MAGI2: variants seen among roughly 807,000 people sequenced by gnomAD.
MAGI2 encodes the protein membrane-associated guanylate kinase, WW and PDZ domain-containing protein 2.
MAGI2 carries 35 observed loss-of-function variants against 133.3 expected under a neutral mutation model. The observed-to-expected ratio is 0.26, with a 90% CI of 0.20 to 0.35. The LOEUF (loss-of-function observed/expected upper bound fraction) is 0.35. MAGI2 is among the 10% of genes least tolerant of loss of function. The pLI, the probability that MAGI2 is intolerant of heterozygous loss-of-function variation, is 1.00. For missense variants in MAGI2, 1,636 were observed against 1,863.4 expected, an observed-to-expected ratio of 0.88 and a Z score of 2.25; for synonymous variants, 729 against 710.6, an observed-to-expected ratio of 1.03 and a Z score of -0.41.
At chr7:78,615,748 G>C (rs535180087) in intron 3 of MAGI2, 5 of 152,076 alleles carry the variant, frequency 3.3e-5, no homozygotes, top group Admixed American at 6.6e-5. Context: ...ACGTCATTTT[G>C]GGCCTATTGT....
At chr7:78,125,561 T>C in intron 20 of MAGI2, 133 bp downstream of exon 20, 1 of 774,380 alleles carries the variant, frequency 1.3e-6, no homozygotes, top group East Asian at 2.6e-5. Context: ...TTTAAGAAAC[T>C]GGGTCATCAT....
At chr7:78,074,573 G>A (rs1174291819) in intron 21 of MAGI2, among the ~76,000 whole-genome samples, 1 of 152,038 alleles carries the variant, frequency 6.6e-6, no homozygotes, top group African/African-American at 2.4e-5. Context: ...TATATCTACT[G>A]GTTAAACTCA....
intron 6 of MAGI2, among the ~76,000 whole-genome samples, chr7:78,443,391 A>C (rs1787811064): frequency 6.6e-6 from 1 of 152,132 alleles, no homozygotes; most frequent in African/African-American, 2.4e-5. Context: ...TCTGAGTTAG[A>C]CACACTTGGT....
intron 3 of MAGI2, among the ~76,000 whole-genome samples, chr7:78,545,528 T>C (rs1274457881): frequency 6.6e-6 from 1 of 152,156 alleles, no homozygotes; most frequent in Non-Finnish European, 1.5e-5. Flanking sequence ...AAACTGATGC[T>C]TATGCAACAT....
At chr7:78,386,944 T>C (rs1464714071) in intron 6 of MAGI2, among the ~76,000 whole-genome samples, 1 of 152,224 alleles carries the variant, frequency 6.6e-6, no homozygotes, top group Non-Finnish European at 1.5e-5. Context: ...TTGTCATTAA[T>C]TGATACCATT....
intron 20 of MAGI2, among the ~76,000 whole-genome samples, chr7:78,121,019 A>AAT (rs1554458979): frequency 6.6e-6 from 1 of 150,846 alleles, no homozygotes; most frequent in Non-Finnish European, 1.5e-5. Flanking sequence ...AAAAAAAAAA[A>AAT]AATAATGATG....
chr7:78,646,085 A>G (rs977146865), intron 2 of MAGI2, among the ~76,000 whole-genome samples: 4 of 152,202 alleles, frequency 2.6e-5, no homozygotes, highest in African/African-American at 7.2e-5. Flanking sequence ...CACCAAACCA[A>G]GTAAAATTGT....
At chr7:79,244,969 A>G (rs143072282) in intron 1 of MAGI2, among the ~76,000 whole-genome samples, 2 of 152,226 alleles carry the variant, frequency 1.3e-5, no homozygotes, top group Non-Finnish European at 2.9e-5. Flanking sequence ...CCTCTTCCTG[A>G]AGTTCCTCTT....
chr7:79,023,874 C>T (rs759232556), intron 1 of MAGI2, among the ~76,000 whole-genome samples: 1 of 152,020 alleles, frequency 6.6e-6, no homozygotes, highest in Non-Finnish European at 1.5e-5. Context: ...TGCTCATGGA[C>T]AGTACGAATC....
chr7:79,035,343 G>A (rs1811027659), intron 1 of MAGI2, among the ~76,000 whole-genome samples: 2 of 152,252 alleles, frequency 1.3e-5, no homozygotes, highest in Non-Finnish European at 1.5e-5. Flanking sequence ...ATGAAAAGCA[G>A]TGTAAATCTA....
At chr7:79,024,977 A>G (rs903438459) in intron 1 of MAGI2, among the ~76,000 whole-genome samples, 3 of 152,190 alleles carry the variant, frequency 2.0e-5, no homozygotes, top group Non-Finnish European at 4.4e-5. Context: ...TAGATCTACT[A>G]TTTGACCCAG....
At chr7:78,405,718 C>T (rs535320096) in intron 6 of MAGI2, among the ~76,000 whole-genome samples, 14 of 152,044 alleles carry the variant, frequency 9.2e-5, no homozygotes, top group South Asian at 2.1e-4. Flanking sequence ...AAATAATAGA[C>T]GATGCCTTCA....
chr7:79,278,327 C>T lies in MAGI2; in HGVS notation c.301+174693G>A, dbSNP rs140329330. Among the ~76,000 whole-genome samples the T allele has an allele frequency of 3.0e-3, 454 of 152,288 alleles. 5 individuals are homozygous for T. Among genetic ancestry groups the T allele is most frequent in the African/African-American group, 0.01 (416 of 41,574 alleles). On this transcript the variant is annotated intron_variant, in intron 1 of 21. Coordinates refer to ENST00000354212, the MANE Select transcript of MAGI2 (RefSeq NM_012301.4). ...AGATGCTGGTGCCATGCTTCCTGTA[C>T]AGCTTGCAGAGCTGTGAGCCAATTA...
At chr7:78,237,377 G>A (rs1790662350) in intron 10 of MAGI2, among the ~76,000 whole-genome samples, 1 of 152,090 alleles carries the variant, frequency 6.6e-6, no homozygotes, top group Non-Finnish European at 1.5e-5. Flanking sequence ...GTAATGGTGA[G>A]CTTTGGGCTT....
intron 1 of MAGI2, among the ~76,000 whole-genome samples, chr7:79,306,202 T>G (rs946896263): frequency 2.7e-5 from 4 of 145,532 alleles, no homozygotes; most frequent in Non-Finnish European, 6.0e-5. Context: ...TATATATACA[T>G]GTATATATAT....
intron 4 of MAGI2, among the ~76,000 whole-genome samples, chr7:78,504,704 A>G (rs1218168524): frequency 6.6e-6 from 1 of 152,222 alleles, no homozygotes; most frequent in African/African-American, 2.4e-5. Flanking sequence ...AGGCAGTATT[A>G]TATAATGATG....
At chr7:78,186,482 G>C (rs911945812) in intron 12 of MAGI2, among the ~76,000 whole-genome samples, 1 of 152,124 alleles carries the variant, frequency 6.6e-6, no homozygotes, top group Non-Finnish European at 1.5e-5. Context: ...CTGCATGTTT[G>C]AGAAATGCAG....
intron 1 of MAGI2, among the ~76,000 whole-genome samples, chr7:79,094,208 T>C (rs1817327993): frequency 6.6e-6 from 1 of 152,190 alleles, no homozygotes; most frequent in South Asian, 2.1e-4. Flanking sequence ...TGCTGTCATT[T>C]CAAAAATGTT....
At chr7:78,561,604 TAGA>T (rs1252320234) in intron 3 of MAGI2, among the ~76,000 whole-genome samples, 1 of 152,154 alleles carries the variant, frequency 6.6e-6, no homozygotes, top group Non-Finnish European at 1.5e-5. Flanking sequence ...GACTAATGCC[TAGA>T]AGAAGTGGGG....
Sources: allele counts gnomAD v4.1 joint callset (sites outside exome capture counted in the v4.1 genomes callset), GRCh38; gene constraint gnomAD v4.1.1; transcripts MANE v1.5; gene names NCBI Gene and HGNC (gene_info 2026-07-23, HGNC 2026-07-21).